SNTG2: variants seen among roughly 807,000 people sequenced by gnomAD.
The protein encoded by SNTG2 is gamma-2-syntrophin.
SNTG2 carries 74 observed loss-of-function variants against 70.9 expected under a neutral mutation model. The ratio of observed to expected loss-of-function variants is 1.04; its 90% CI spans 0.86 to 1.27. The LOEUF (loss-of-function observed/expected upper bound fraction) is 1.27. Ranked by LOEUF, SNTG2 falls within the 50% of genes most tolerant of loss-of-function variation. The pLI is 0.00. For synonymous variants in SNTG2, 278 were observed against 273.8 expected, an observed-to-expected ratio of 1.02 and a Z score of -0.15; for missense variants, 717 against 690.7, an observed-to-expected ratio of 1.04 and a Z score of -0.43.
chr2:1,038,044 T>A (rs1232893562), intron 1 of SNTG2, among the ~76,000 whole-genome samples: 1 of 152,220 alleles, frequency 6.6e-6, no homozygotes, highest in Non-Finnish European at 1.5e-5. Context: ...CTGTGGCATT[T>A]TGTATTCCTC....
chr2:1,117,612 A>T (rs4971383), intron 4 of SNTG2, among the ~76,000 whole-genome samples: 56,077 of 151,952 alleles, frequency 0.37, 10,627 homozygotes, highest in East Asian at 0.53. Context: ...ATCAGAACCG[A>T]GGCGGAGCTG....
At chr2:1,098,675 T>C (rs1241862946) in intron 4 of SNTG2, among the ~76,000 whole-genome samples, 1 of 152,196 alleles carries the variant, frequency 6.6e-6, no homozygotes, top group African/African-American at 2.4e-5. Flanking sequence ...TCTAAAGATA[T>C]TGATGATTCA....
chr2:1,000,765 A>G (rs1285369646), intron 1 of SNTG2, among the ~76,000 whole-genome samples: 1 of 151,884 alleles, frequency 6.6e-6, no homozygotes, highest in Non-Finnish European at 1.5e-5. Context: ...CACTCATTCT[A>G]TGAAACCAGT....
chr2:1,127,972 C>G (rs1274516124), intron 4 of SNTG2, among the ~76,000 whole-genome samples: 4 of 152,162 alleles, frequency 2.6e-5, no homozygotes, highest in African/African-American at 9.6e-5. Context: ...AGTGCTCTAG[C>G]TAGGACTTCC....
chr2:1,025,598 C>T (rs770310066), intron 1 of SNTG2, among the ~76,000 whole-genome samples: 61 of 152,144 alleles, frequency 4.0e-4, no homozygotes, highest in Non-Finnish European at 7.6e-4. Flanking sequence ...ACTGCCTGTG[C>T]GCCTTGGCTC....
At chr2:1,207,377 A>G (rs1430471767) in intron 8 of SNTG2, among the ~76,000 whole-genome samples, 1 of 151,208 alleles carries the variant, frequency 6.6e-6, no homozygotes, top group Non-Finnish European at 1.5e-5. Flanking sequence ...TAGAGAAACA[A>G]TGTTAGGATG....
intron 6 of SNTG2, among the ~76,000 whole-genome samples, chr2:1,157,428 A>C (rs1367479080): frequency 1.3e-5 from 2 of 152,334 alleles, no homozygotes; most frequent in Admixed American, 6.5e-5. Flanking sequence ...AAAGCCCCCC[A>C]GACACTCACA....
At chr2:1,050,165 GTAA>G (rs1353082861) in intron 1 of SNTG2, among the ~76,000 whole-genome samples, 2 of 151,930 alleles carry the variant, frequency 1.3e-5, no homozygotes, top group African/African-American at 2.4e-5. Context: ...TACTCTCTTG[GTAA>G]TATTCACTGA....
chr2:1,231,696 G>A (rs562771452), intron 9 of SNTG2, among the ~76,000 whole-genome samples: 10 of 152,102 alleles, frequency 6.6e-5, no homozygotes, highest in East Asian at 1.9e-4. Flanking sequence ...ACCCCACAGC[G>A]TGGCTGAGAT....
chr2:1,367,315 A>T, intron 16 of SNTG2, 28 bp from the exon 17 acceptor site: 2 of 1,505,544 alleles, frequency 1.3e-6, no homozygotes, highest in Non-Finnish European at 1.8e-6. Flanking sequence ...CAATTATAAT[A>T]AACACTTGAT....
chr2:1,234,216 G>A (rs1377606951), intron 9 of SNTG2, among the ~76,000 whole-genome samples: 3 of 152,202 alleles, frequency 2.0e-5, no homozygotes, highest in African/African-American at 7.2e-5. Context: ...CTTGCATCCA[G>A]ACGTGCCTGA....
intron 1 of SNTG2, among the ~76,000 whole-genome samples, chr2:983,279 G>C (rs1381600918): frequency 1.2e-5 from 1 of 83,234 alleles, no homozygotes; most frequent in African/African-American, 4.8e-5. Flanking sequence ...ATGAAGCAGA[G>C]GCTCTCTTCC....
chr2:1,286,867 G>A (rs187619430), intron 14 of SNTG2, among the ~76,000 whole-genome samples: 114 of 152,328 alleles, frequency 7.5e-4, no homozygotes, highest in African/African-American at 2.6e-3. Context: ...CATCACACTT[G>A]CTCTGAAGAA....
rs148024231 is a variant in SNTG2, at chr2:1,236,487, C to T, written c.720-1401C>T. Among the ~76,000 whole-genome samples, 615 of 152,288 alleles carry T rather than the reference C, an allele frequency of 4.0e-3. 6 individuals are homozygous for T. Among genetic ancestry groups the T allele is most frequent in the Middle Eastern group, 0.014 (4 of 294 alleles). The stretch of plus-strand genomic sequence containing the variant: ...GCTTCCTCTGGCTTCTTCCCCTCTC[C>T]GGCTCCACACAGTCACCTCCACCTT... On this transcript the variant is annotated intron_variant, in intron 9 of 16. Coordinates refer to ENST00000308624, the MANE Select transcript of SNTG2 (RefSeq NM_018968.4).
intron 1 of SNTG2, among the ~76,000 whole-genome samples, chr2:1,018,522 G>A (rs1420895642): frequency 6.6e-6 from 1 of 152,108 alleles, no homozygotes; most frequent in Admixed American, 6.5e-5. Context: ...GTGCAGTCAG[G>A]GAGGGGAGAG....
At chr2:1,356,266 T>G (rs1292264162) in intron 16 of SNTG2, among the ~76,000 whole-genome samples, 1 of 152,200 alleles carries the variant, frequency 6.6e-6, no homozygotes, top group Non-Finnish European at 1.5e-5. Flanking sequence ...AGTGCCAAGA[T>G]CAATGTGATG....
At chr2:1,281,917 G>A (rs1679566073) in intron 14 of SNTG2, among the ~76,000 whole-genome samples, 1 of 152,154 alleles carries the variant, frequency 6.6e-6, no homozygotes, top group African/African-American at 2.4e-5. Flanking sequence ...CCTCAAGCCC[G>A]GGAGGAGGTG....
At chr2:999,377 C>A (rs1661792793) in intron 1 of SNTG2, among the ~76,000 whole-genome samples, 1 of 152,030 alleles carries the variant, frequency 6.6e-6, no homozygotes, top group Admixed American at 6.5e-5. Flanking sequence ...CAACATTATT[C>A]AACCATATGC....
At chr2:1,194,437 T>C (rs868407484) in intron 8 of SNTG2, among the ~76,000 whole-genome samples, 2 of 152,186 alleles carry the variant, frequency 1.3e-5, no homozygotes, top group Admixed American at 6.5e-5. Flanking sequence ...AATCTTTCTT[T>C]CTTAGAACTT....
Sources: allele counts gnomAD v4.1 joint callset (sites outside exome capture counted in the v4.1 genomes callset), GRCh38; gene constraint gnomAD v4.1.1; transcripts MANE v1.5; gene names NCBI Gene and HGNC (gene_info 2026-07-23, HGNC 2026-07-21).